ST6GALNAC1: variants seen among roughly 807,000 people sequenced by gnomAD.
ST6GALNAC1 encodes alpha-N-acetylgalactosaminide alpha-2,6-sialyltransferase 1.
In ST6GALNAC1, 45 loss-of-function variants were observed where a neutral mutation model predicts 56.8. The observed-to-expected ratio is 0.79, with a 90% CI of 0.62 to 1.02. The LOEUF is 1.02. ST6GALNAC1 is among the 50% of genes least tolerant of loss of function. The pLI is 0.00. For missense variants in ST6GALNAC1, 743 were observed against 754.8 expected (o/e 0.98, Z 0.18); for synonymous variants, 295 against 297.8 (o/e 0.99, Z 0.10).
intron 1 of ST6GALNAC1, among the ~76,000 whole-genome samples, chr17:76,633,988 C>T (rs901813982): frequency 1.3e-5 from 2 of 152,130 alleles, no homozygotes; most frequent in Non-Finnish European, 2.9e-5. Flanking sequence ...AAAAATACCC[C>T]AAGGAAAGGT....
chr17:76,636,072 A>AT (rs1441886490), intron 1 of ST6GALNAC1, among the ~76,000 whole-genome samples: 1 of 152,238 alleles, frequency 6.6e-6, no homozygotes, highest in Non-Finnish European at 1.5e-5. Context: ...CGGAAAAAGC[A>AT]GAAACTGCCT....
At chr17:76,631,691 G>C (rs2075903678) in intron 1 of ST6GALNAC1, among the ~76,000 whole-genome samples, 1 of 151,982 alleles carries the variant, frequency 6.6e-6, no homozygotes, top group Non-Finnish European at 1.5e-5. Context: ...CCTGTACTGG[G>C]GACTGTGGAC....
chr17:76,632,085 C>A (rs921124512), intron 1 of ST6GALNAC1, among the ~76,000 whole-genome samples: 2 of 152,008 alleles, frequency 1.3e-5, no homozygotes, highest in African/African-American at 4.8e-5. Context: ...TCAGCAAAAA[C>A]CAAGCTGTTC....
In ST6GALNAC1 at chr17:76,627,770, G is replaced by A. The variant is rs373953366; in HGVS notation, c.832-187C>T. On this transcript the variant is annotated intron_variant, in intron 2 of 8. Transcript: ENST00000156626. The surrounding 1 kb of genome is among the most constrained non-coding windows in gnomAD (Gnocchi z 4.4). ...TGTCTGGGCTCATTGTGGTCCTGAG[G>A]GTTCTGGGAAATGGGTGTTCTCGGC... 3.3e-4 allele frequency among the ~76,000 whole-genome samples: 50 copies of A among 152,254 alleles called. No individual in the cohort carries two copies. In the South Asian group the frequency reaches 0.01, roughly 31 times the overall value.
chr17:76,635,705 C>T (rs2075965093), intron 1 of ST6GALNAC1, among the ~76,000 whole-genome samples: 1 of 152,202 alleles, frequency 6.6e-6, no homozygotes, highest in Non-Finnish European at 1.5e-5. Flanking sequence ...TCTACGAGAA[C>T]TTGACAACAC....
chr17:76,626,923 C>T lies in ST6GALNAC1; in HGVS notation c.1173-134G>A. The T allele has an allele frequency of 8.1e-6, 12 of 1,476,064 alleles. No individual in the cohort carries two copies. The South Asian group carries it at 1.1e-4, about 14-fold the overall frequency. 91.4% of individuals were successfully genotyped at this position (1,476,064 alleles called of 1,614,324 possible). A position where few individuals can be genotyped will look rare whatever the true frequency, so the allele number is the denominator to read the frequency against. ...AATTCTCTCGAGAGCCCAGGAATTCCACCTTCCAGATGCAGGCGTGGAACA... is the reference window on the plus strand; with the variant it reads ...AATTCTCTCGAGAGCCCAGGAATTCTACCTTCCAGATGCAGGCGTGGAACA... On this transcript the variant is annotated intron_variant, in intron 4 of 8. Coordinates refer to ENST00000156626, the MANE Select transcript of ST6GALNAC1 (RefSeq NM_018414.5).
the ST6GALNAC1 span, among the ~76,000 whole-genome samples, chr17:76,619,191 T>C: frequency 6.6e-6 from 1 of 152,204 alleles, no homozygotes; most frequent in Non-Finnish European, 1.5e-5. Flanking sequence ...GTTCATTTTG[T>C]ACCTTCCCTA....
At chr17:76,621,228 G>A (rs1158551520), downstream of ST6GALNAC1, among the ~76,000 whole-genome samples, 1 of 136,414 alleles carries the variant, frequency 7.3e-6, no homozygotes, top group Non-Finnish European at 1.5e-5. Flanking sequence ...CTGTCACCAG[G>A]CTGGAGTGCA....
At position 76,629,506 on chromosome 17, in the gene ST6GALNAC1, C is replaced by T; in HGVS notation, c.337G>A (p.Asp113Asn). Residue 113 changes from aspartate to asparagine, a missense_variant, in exon 2 of 9, where the codon GAC becomes AAC. By Grantham distance (23) the Asp-to-Asn change is conservative. Transcript: ENST00000156626. ...EANQAPPEEQ[D>N]KVPHTAQRAA... is the part of the protein sequence containing the mutation. ...CTCTGTGCTGTGTGGGGCACCTTGT[C>T]CTGCTCCTCCGGCGGTGCCTGGTTG... The T allele has an allele frequency of 1.2e-6, 2 of 1,614,046 alleles. No individual in the cohort carries two copies. The highest frequency in any genetic ancestry group is 2.2e-5 in the South Asian group (2 of 91,062).
At chr17:76,625,628 G>C in intron 8 of ST6GALNAC1, 101 bp from the exon 9 acceptor site, 1 of 1,408,736 alleles carries the variant, frequency 7.1e-7, no homozygotes, top group Non-Finnish European at 9.7e-7. Context: ...CTTTTCCCTG[G>C]CTCCGTCCCT....
chr17:76,629,815 C>G, intron 1 of ST6GALNAC1, 104 bp from the exon 2 acceptor site: 1 of 855,564 alleles, frequency 1.2e-6, no homozygotes, highest in Non-Finnish European at 1.8e-6. Flanking sequence ...CACAGTCTTG[C>G]TCTGTCACCC....
At chr17:76,621,444 G>C (rs2075739951), downstream of ST6GALNAC1, among the ~76,000 whole-genome samples, 2 of 151,406 alleles carry the variant, frequency 1.3e-5, no homozygotes, top group African/African-American at 4.9e-5. Flanking sequence ...GCCTCCCAAA[G>C]TGCTGGGATT....
chr17:76,621,544 C>T (rs191603360), downstream of ST6GALNAC1, among the ~76,000 whole-genome samples: 44 of 151,662 alleles, frequency 2.9e-4, no homozygotes, highest in African/African-American at 9.9e-4. Context: ...GGCATGATCT[C>T]GGCTCAGTGC....
chr17:76,639,901 G>A (rs536230962), intron 1 of ST6GALNAC1, among the ~76,000 whole-genome samples: 2 of 152,114 alleles, frequency 1.3e-5, no homozygotes, highest in Non-Finnish European at 1.5e-5. Flanking sequence ...TAACTCCTCT[G>A]GTATGGTTAC....
At chr17:76,624,189 C>G (rs1387999377), downstream of ST6GALNAC1, among the ~76,000 whole-genome samples, 1 of 152,206 alleles carries the variant, frequency 6.6e-6, no homozygotes, top group Non-Finnish European at 1.5e-5. Flanking sequence ...CTCCCTTCCA[C>G]TCTCCTACCG....
chr17:76,637,452 C>T (rs544979122), intron 1 of ST6GALNAC1: 3 of 351,542 alleles, frequency 8.5e-6, no homozygotes, highest in Non-Finnish European at 1.5e-5. Flanking sequence ...CCCTCCTCAA[C>T]CCCTAGAAAC....
downstream of ST6GALNAC1, among the ~76,000 whole-genome samples, chr17:76,620,401 G>T (rs1349461546): frequency 6.6e-6 from 1 of 152,056 alleles, no homozygotes; most frequent in African/African-American, 2.4e-5. Context: ...CCATCCTGTT[G>T]ATTTCATTAT....
chr17:76,629,784 T>TTTTG, intron 1 of ST6GALNAC1, 73 bp from the exon 2 acceptor site: 15 of 470,392 alleles, frequency 3.2e-5, no homozygotes, highest in South Asian at 1.2e-4. Flanking sequence ...TAGTTTTTTG[T>TTTTG]TTTTTTTTTT....
At chr17:76,624,586 G>A (rs1462695932), downstream of ST6GALNAC1, among the ~76,000 whole-genome samples, 1 of 152,150 alleles carries the variant, frequency 6.6e-6, no homozygotes, top group Non-Finnish European at 1.5e-5. Context: ...CCAGGCTCCA[G>A]AGTCCAAATC....
Sources: gnomAD v4.1 joint callset for allele counts (sites outside exome capture counted in the v4.1 genomes callset) on GRCh38, gnomAD v4.1.1 for gene constraint, Gnocchi (gnomAD v3.1) non-coding constraint, MANE v1.5 for transcripts, NCBI Gene and HGNC (gene_info 2026-07-23, HGNC 2026-07-21) for gene names.